The following ZZEF1 variants were observed in gnomAD, a reference collection of about 807,000 sequenced individuals.
The protein encoded by ZZEF1 is zinc finger ZZ-type and EF-hand domain containing 1.
Under a neutral mutation model 342.8 loss-of-function variants are expected in ZZEF1, and 157 were observed. The ratio of observed to expected loss-of-function variants is 0.46; its 90% CI spans 0.40 to 0.52. ZZEF1 has a LOEUF of 0.52. ZZEF1 is among the 20% of genes least tolerant of loss of function. The pLI is 0.00. For missense variants in ZZEF1, 3,480 were observed against 3,725.6 expected, an observed-to-expected ratio of 0.93 and a Z score of 1.72; for synonymous variants, 1,505 against 1,429.1, an observed-to-expected ratio of 1.05 and a Z score of -1.20.
At chr17:4,032,351 T>G in intron 41 of ZZEF1, 93 bp from the exon 42 acceptor site, 1 of 1,384,876 alleles carries the variant, frequency 7.2e-7, no homozygotes, top group East Asian at 2.4e-5. Flanking sequence ...TGATTGTGCC[T>G]CTGATTTCAA....
At chr17:4,135,967 A>G (rs1390839559) in intron 1 of ZZEF1, among the ~76,000 whole-genome samples, 1 of 150,632 alleles carries the variant, frequency 6.6e-6, no homozygotes, top group Non-Finnish European at 1.5e-5. Context: ...ACTTTTTCTC[A>G]TCAGTTACAA....
chr17:4,028,632 C>T (rs1376442570), intron 42 of ZZEF1, among the ~76,000 whole-genome samples: 9 of 150,350 alleles, frequency 6.0e-5, no homozygotes, highest in Admixed American at 6.0e-4. Flanking sequence ...AATTAAAAGA[C>T]AGGGATTATC....
intron 49 of ZZEF1, among the ~76,000 whole-genome samples, chr17:4,015,123 A>C (rs2056066631): frequency 6.6e-6 from 1 of 152,162 alleles, no homozygotes; most frequent in Non-Finnish European, 1.5e-5. Context: ...GGCTGGGCTG[A>C]GGCAAAAGTG....
chr17:4,025,554 C>T (rs781236040), intron 42 of ZZEF1, among the ~76,000 whole-genome samples: 1 of 151,968 alleles, frequency 6.6e-6, no homozygotes, highest in Non-Finnish European at 1.5e-5. Flanking sequence ...TGGTGTCACA[C>T]GCTTGTGATC....
intron 1 of ZZEF1, among the ~76,000 whole-genome samples, chr17:4,129,492 T>C (rs2058630236): frequency 6.6e-6 from 1 of 152,104 alleles, no homozygotes; most frequent in South Asian, 2.1e-4. Context: ...TGCCCATCAA[T>C]GACAGACTGG....
intron 42 of ZZEF1, 127 bp from the exon 43 acceptor site, chr17:4,025,245 C>T: frequency 1.1e-6 from 1 of 887,970 alleles, no homozygotes; most frequent in Non-Finnish European, 1.7e-6. Context: ...CTCTCGGGCT[C>T]AGTCTTAGCC....
At position 4,005,357 on chromosome 17, in the gene ZZEF1, C is replaced by A. The variant is rs959701930; in HGVS notation, c.*1533G>T. 6.6e-6 allele frequency: 1 copy of A among 152,418 alleles called. No homozygotes were observed. Among genetic ancestry groups the A allele is most frequent in the Non-Finnish European group, 1.5e-5 (1 of 68,182 alleles). The allele number at this position is 152,418 out of a possible 1,614,324, so 9.4% of individuals were successfully genotyped here. On this transcript the variant is annotated 3_prime_UTR_variant, in exon 55 of 55. Transcript: ENST00000381638. ...CCCAAGCCACAGGAACCAGGCCAGG[C>A]CTTTCCACCAGGGCAATGGCCTCAG...
chr17:4,046,269 G>C lies in ZZEF1; in HGVS notation c.6016-1895C>G, dbSNP rs185141006. Among the ~76,000 whole-genome samples the C allele has an allele frequency of 5.3e-5, 8 of 152,330 alleles. No individual in the cohort carries two copies. The East Asian group carries it at 1.5e-3, about 29-fold the overall frequency. On this transcript the variant is annotated intron_variant, in intron 37 of 54. Coordinates refer to ENST00000381638, the MANE Select transcript of ZZEF1 (RefSeq NM_015113.4). Reference sequence around the variant, plus strand: ...GAGTCTAGTGGTGAGCTGCCCAGATGGGCAAGGTGACAGCTGTCAGCTGCA... The same window carrying C: ...GAGTCTAGTGGTGAGCTGCCCAGATCGGCAAGGTGACAGCTGTCAGCTGCA...
Position 4,114,369 on chromosome 17 carries a change from C to A in ZZEF1, c.796G>T (p.Asp266Tyr), listed in dbSNP as rs1259519194. 3 of 1,612,424 alleles carry A rather than the reference C, an allele frequency of 1.9e-6. No individual in the cohort carries two copies. The South Asian group carries it at 3.3e-5, about 18-fold the overall frequency. Residue 266 changes from aspartate (D) to tyrosine (Y), a missense_variant, in exon 4 of 55, where the codon GAC (aspartate) becomes TAC (tyrosine). By Grantham distance (160) the Asp-to-Tyr change is radical. Around this residue, in one of 5 missense-constraint regions of ZZEF1, gnomAD observed 416 missense variants for 374.2 expected, o/e 1.11. Coordinates refer to ENST00000381638, the MANE Select transcript of ZZEF1 (RefSeq NM_015113.4). ...IETSSNSADI[D>Y]KMTNGETSSY... ...GAGGTTTCTCCATTTGTCATCTTGTCAATGTCTGCCGAGTTGGAGGATGTT... is the reference window on the plus strand; with the variant it reads ...GAGGTTTCTCCATTTGTCATCTTGTAAATGTCTGCCGAGTTGGAGGATGTT...
chr17:4,013,604 A>C lies in ZZEF1; in HGVS notation c.8424T>G (p.Ile2808Met), dbSNP rs985949236. Residue 2808 changes from isoleucine (I) to methionine (M), a missense_variant, in exon 52 of 55, where the codon ATT becomes ATG. Physicochemically the swap from Ile to Met is conservative, Grantham distance 10. Coordinates refer to ENST00000381638, the MANE Select transcript of ZZEF1 (RefSeq NM_015113.4). ...HLGRFQTGFEILKQMLSEERV... is the reference protein window; with the variant it reads ...HLGRFQTGFEMLKQMLSEERV... ...TTTCTTCTGACAACATCTGCTTCAA[A>C]ATCTCGAATCCTGGCCAACACCCCA... is the stretch of plus-strand genomic sequence containing the variant. 3.1e-6 allele frequency: 5 copies of C among 1,612,296 alleles called. No homozygotes were observed. In the Admixed American group the frequency reaches 8.4e-5, roughly 27 times the overall value.
intron 1 of ZZEF1, among the ~76,000 whole-genome samples, chr17:4,138,666 T>C (rs1347570568): frequency 6.6e-6 from 1 of 152,168 alleles, no homozygotes; most frequent in African/African-American, 2.4e-5. Context: ...ATGTGGCAAA[T>C]TAATAAAACA....
rs765415148 is a variant in ZZEF1, at chr17:4,076,641, C to T, written c.3230G>A (p.Arg1077Lys). ...KLCSGPEGGL[R>K]KLDVETWQQE... ...TCAAGTGCTGACTCGAGTTACCTTC[C>T]TCAGTCCTCCTTCGGGGCCACTACA... The change falls in exon 21 of 55, where the codon AGG becomes AAG. Residue 1077 changes from arginine (R) to lysine (K), a missense_variant. This residue lies in a region of ZZEF1 where 1,528 missense variants were observed against 1,624.1 expected (regional missense o/e 0.94). Transcript: ENST00000381638. The T allele has an allele frequency of 1.2e-5, 20 of 1,608,514 alleles. No homozygotes were observed. In the Admixed American group the frequency reaches 3.3e-4, roughly 27 times the overall value.
rs528156783 is a variant in ZZEF1 at position 4,032,854 on chromosome 17, G to A, written c.6733C>T (p.Leu2245=). Residue 2245 remains leucine, a synonymous_variant, in exon 41 of 55, where the codon CTG becomes TTG. Coordinates refer to ENST00000381638, the MANE Select transcript of ZZEF1 (RefSeq NM_015113.4). ...TGGGGGAAGCCAACCAGCACGAGCAGGGTGAAGATGTTGGTGTGCTTCAGC... is the reference window on the plus strand; with the variant it reads ...TGGGGGAAGCCAACCAGCACGAGCAAGGTGAAGATGTTGGTGTGCTTCAGC... ...FQLKHTNIFT[L]LVLVGFPQVL... is the part of the protein sequence containing the mutation. 1 of 1,614,220 alleles carries A rather than the reference G, an allele frequency of 6.2e-7. No homozygotes were observed. Among genetic ancestry groups the A allele is most frequent in the Admixed American group, 1.7e-5 (1 of 60,032 alleles).
At chr17:4,029,473 T>C (rs1348398588) in intron 42 of ZZEF1, among the ~76,000 whole-genome samples, 1 of 151,806 alleles carries the variant, frequency 6.6e-6, no homozygotes, top group Non-Finnish European at 1.5e-5. Context: ...ATGTTCCTAC[T>C]GAATCCAAGG....
chr17:4,065,722 A>T (rs2057378201), intron 28 of ZZEF1, among the ~76,000 whole-genome samples: 1 of 152,130 alleles, frequency 6.6e-6, no homozygotes, highest in African/African-American at 2.4e-5. Flanking sequence ...ATCTGTAAAA[A>T]TTTTTAGCAT....
chr17:4,127,712 G>A (rs1384025064), intron 1 of ZZEF1, among the ~76,000 whole-genome samples: 1 of 152,188 alleles, frequency 6.6e-6, no homozygotes, highest in East Asian at 1.9e-4. Flanking sequence ...ACCACACTGA[G>A]AATAGGGACA....
intron 11 of ZZEF1, among the ~76,000 whole-genome samples, chr17:4,094,737 G>T (rs9902438): frequency 0.028 from 4,276 of 152,112 alleles, 214 homozygotes; most frequent in African/African-American, 0.096. Flanking sequence ...TCCCTCTCCT[G>T]CTCCACATTC....
intron 1 of ZZEF1, among the ~76,000 whole-genome samples, chr17:4,140,910 CTTTTT>C (rs34876417): frequency 7.1e-6 from 1 of 141,650 alleles, no homozygotes; most frequent in Non-Finnish European, 1.5e-5. Context: ...ACTAATATGA[CTTTTT>C]TTTTTTTTTT....
At chr17:4,138,842 A>G (rs1049341375) in intron 1 of ZZEF1, among the ~76,000 whole-genome samples, 1 of 152,260 alleles carries the variant, frequency 6.6e-6, no homozygotes, top group Non-Finnish European at 1.5e-5. Flanking sequence ...TTTCCCCTCT[A>G]CATGGCAGTT....
Sources: gnomAD v4.1 joint callset for allele counts (sites outside exome capture counted in the v4.1 genomes callset) on GRCh38, gnomAD v4.1.1 for gene constraint, gnomAD v4.1.1 regional missense constraint, MANE v1.5 for transcripts, NCBI Gene and HGNC (gene_info 2026-07-23, HGNC 2026-07-21) for gene names.